TAFA1: variants seen among roughly 807,000 people sequenced by gnomAD.
The protein encoded by TAFA1 is chemokine-like protein TAFA-1.
In TAFA1, 4 loss-of-function variants were observed where a neutral mutation model predicts 18.5. The ratio of observed to expected loss-of-function variants is 0.22; its 90% CI spans 0.11 to 0.49. The LOEUF is 0.49. Ranked by LOEUF, TAFA1 falls within the 20% of genes least tolerant of loss-of-function variation. The pLI, the probability that TAFA1 is intolerant of heterozygous loss-of-function variation, is 0.98. For synonymous variants in TAFA1, 56 were observed against 55.2 expected, an observed-to-expected ratio of 1.01 and a Z score of -0.06; for missense variants, 147 against 169.0, an observed-to-expected ratio of 0.87 and a Z score of 0.72.
chr3:68,110,794 G>C (rs2065253948), intron 2 of TAFA1, among the ~76,000 whole-genome samples: 1 of 152,074 alleles, frequency 6.6e-6, no homozygotes, highest in African/African-American at 2.4e-5. Context: ...TGGCATAAAA[G>C]TAATTTTGAT....
At position 68,141,955 on chromosome 3, in the gene TAFA1, A is replaced by G. The variant is rs562699911; in HGVS notation, c.118+135211A>G. ...CCCATTCTAAGATGTTCTCCCTCCC[A>G]GGTCACTTTTAGTTTCTTGTGAGCA... On this transcript the variant is annotated intron_variant, in intron 2 of 4. Transcript: ENST00000478136. Among the ~76,000 whole-genome samples, 128 of 152,278 alleles carry G rather than the reference A, an allele frequency of 8.4e-4. 1 individual carries two copies. Among genetic ancestry groups the G allele is most frequent in the African/African-American group, 2.9e-3 (122 of 41,570 alleles).
chr3:68,009,662 C>A (rs2106774273), intron 2 of TAFA1, among the ~76,000 whole-genome samples: 1 of 152,278 alleles, frequency 6.6e-6, no homozygotes, highest in East Asian at 1.9e-4. Context: ...ATTCAACTTT[C>A]TTTGGTTTTT....
At chr3:68,388,938 T>A (rs943528789) in intron 2 of TAFA1, among the ~76,000 whole-genome samples, 18 of 152,346 alleles carry the variant, frequency 1.2e-4, no homozygotes, top group African/African-American at 4.3e-4. Context: ...AAGTTGTAAT[T>A]TTCACTTAAT....
intron 2 of TAFA1, among the ~76,000 whole-genome samples, chr3:68,274,155 A>G (rs529939194): frequency 1.3e-5 from 2 of 152,276 alleles, no homozygotes; most frequent in South Asian, 2.1e-4. Context: ...AAAACAGTCT[A>G]TTCAGTTGTG....
intron 2 of TAFA1, among the ~76,000 whole-genome samples, chr3:68,187,354 C>G (rs2066283550): frequency 6.6e-6 from 1 of 151,916 alleles, no homozygotes; most frequent in African/African-American, 2.4e-5. Context: ...ACTTAGATGG[C>G]TTTCTCATGC....
intron 2 of TAFA1, among the ~76,000 whole-genome samples, chr3:68,302,396 A>G (rs1435059349): frequency 6.6e-6 from 1 of 152,148 alleles, no homozygotes; most frequent in Non-Finnish European, 1.5e-5. Flanking sequence ...GGTCTCTCTC[A>G]TTCGAATTTA....
intron 2 of TAFA1, among the ~76,000 whole-genome samples, chr3:68,248,092 G>T (rs888070186): frequency 6.6e-6 from 1 of 152,160 alleles, no homozygotes; most frequent in Non-Finnish European, 1.5e-5. Flanking sequence ...TCATATTAAG[G>T]TTTAGACTTT....
chr3:68,514,497 G>A (rs115843981), intron 3 of TAFA1, among the ~76,000 whole-genome samples: 2,554 of 151,886 alleles, frequency 0.017, 70 homozygotes, highest in African/African-American at 0.058. Context: ...ATTCTTTCAG[G>A]AGCAAGAAAT....
At chr3:68,467,928 T>G (rs1022515026) in intron 3 of TAFA1, among the ~76,000 whole-genome samples, 2 of 152,184 alleles carry the variant, frequency 1.3e-5, no homozygotes, top group Non-Finnish European at 2.9e-5. Context: ...TCAGTAAATG[T>G]TCCAGAAACT....
chr3:68,301,897 TG>T (rs2068308616), intron 2 of TAFA1, among the ~76,000 whole-genome samples: 2 of 152,326 alleles, frequency 1.3e-5, no homozygotes, highest in South Asian at 4.1e-4. Flanking sequence ...TATTTTGTTT[TG>T]GTAAGTTTAT....
intron 2 of TAFA1, among the ~76,000 whole-genome samples, chr3:68,220,083 C>A (rs1167403780): frequency 1.3e-5 from 2 of 151,980 alleles, no homozygotes; most frequent in Non-Finnish European, 2.9e-5. Flanking sequence ...TTGTGTAAGT[C>A]GAAATATGAA....
At chr3:68,464,908 G>A (rs913442416) in intron 3 of TAFA1, among the ~76,000 whole-genome samples, 2 of 152,084 alleles carry the variant, frequency 1.3e-5, no homozygotes, top group East Asian at 3.9e-4. Flanking sequence ...TAACTGCTGA[G>A]GCAGATACTG....
At chr3:68,370,484 A>G (rs1167630454) in intron 2 of TAFA1, among the ~76,000 whole-genome samples, 843 of 84,044 alleles carry the variant, frequency 0.01, 16 homozygotes, top group African/African-American at 0.038. Flanking sequence ...ATATATATAT[A>G]TATATATATA....
At chr3:68,150,269 T>C (rs2065790096) in intron 2 of TAFA1, among the ~76,000 whole-genome samples, 1 of 152,210 alleles carries the variant, frequency 6.6e-6, no homozygotes, top group African/African-American at 2.4e-5. Context: ...ACTCTTTGTG[T>C]TTCCTACACT....
intron 2 of TAFA1, among the ~76,000 whole-genome samples, chr3:68,043,179 T>C (rs565265808): frequency 3.7e-4 from 57 of 152,296 alleles, no homozygotes; most frequent in East Asian, 3.9e-4. Context: ...GCCTATATTA[T>C]GCCATTCTGA....
chr3:68,054,482 C>CT (rs764343239), intron 2 of TAFA1, among the ~76,000 whole-genome samples: 1 of 152,160 alleles, frequency 6.6e-6, no homozygotes, highest in Non-Finnish European at 1.5e-5. Context: ...CCAAATAAAC[C>CT]TTTTTTCTTT....
intron 2 of TAFA1, among the ~76,000 whole-genome samples, chr3:68,330,469 T>A (rs2068848614): frequency 6.6e-6 from 1 of 152,162 alleles, no homozygotes; most frequent in Admixed American, 6.5e-5. Flanking sequence ...CTTCATATGT[T>A]TTTACTTTGT....
chr3:68,457,611 T>C (rs757213677), intron 3 of TAFA1, among the ~76,000 whole-genome samples: 6 of 152,236 alleles, frequency 3.9e-5, no homozygotes, highest in Non-Finnish European at 7.3e-5. Context: ...ATTGAGCTAA[T>C]ATATGCATTA....
Position 68,178,545 on chromosome 3 carries a change from G to A in TAFA1, c.118+171801G>A, listed in dbSNP as rs553758989. On this transcript the variant is annotated intron_variant, in intron 2 of 4. Transcript: ENST00000478136. Reference sequence around the variant, plus strand: ...AGTGTTCAGGGAAGGCATCCAGGAGGAGGTATGTATAAAACTGTTACCTAA... The same window carrying A: ...AGTGTTCAGGGAAGGCATCCAGGAGAAGGTATGTATAAAACTGTTACCTAA... 4.6e-5 allele frequency among the ~76,000 whole-genome samples: 7 copies of A among 152,308 alleles called. 3 individuals carry two copies. The South Asian group carries it at 1.4e-3, about 32-fold the overall frequency.
Sources: gnomAD v4.1 joint callset for allele counts (sites outside exome capture counted in the v4.1 genomes callset) on GRCh38, gnomAD v4.1.1 for gene constraint, MANE v1.5 for transcripts, NCBI Gene and HGNC (gene_info 2026-07-23, HGNC 2026-07-21) for gene names.